SPAG16: variants seen among roughly 807,000 people sequenced by gnomAD.
The protein encoded by SPAG16 is sperm-associated antigen 16 protein.
A neutral mutation model predicts 80.4 loss-of-function variants in SPAG16; 86 were observed. That is an observed-to-expected ratio of 1.07 (90% CI 0.90 to 1.28). The LOEUF is 1.28. SPAG16 is among the 50% of genes most tolerant of loss of function. The pLI, the probability that SPAG16 is intolerant of heterozygous loss-of-function variation, is 0.00. For missense variants in SPAG16, 870 were observed against 765.3 expected, an observed-to-expected ratio of 1.14 and a Z score of -1.61; for synonymous variants, 294 against 265.9, an observed-to-expected ratio of 1.11 and a Z score of -1.03.
chr2:213,597,579 A>T (rs1284163307), intron 10 of SPAG16, among the ~76,000 whole-genome samples: 1 of 152,176 alleles, frequency 6.6e-6, no homozygotes, highest in Non-Finnish European at 1.5e-5. Context: ...TTGCTATATT[A>T]TAATTTCTTT....
chr2:213,931,729 G>A (rs1482291102), intron 12 of SPAG16, among the ~76,000 whole-genome samples: 6 of 151,982 alleles, frequency 3.9e-5, no homozygotes, highest in Admixed American at 2.0e-4. Context: ...CTTCCAATTG[G>A]TGCCCAGTAA....
chr2:213,545,668 G>A (rs2076588672), intron 10 of SPAG16, among the ~76,000 whole-genome samples: 1 of 152,000 alleles, frequency 6.6e-6, no homozygotes, highest in African/African-American at 2.4e-5. Flanking sequence ...CTTATCTTGA[G>A]TTACTTTTTA....
At chr2:213,561,925 A>G (rs1241828128) in intron 10 of SPAG16, among the ~76,000 whole-genome samples, 1 of 152,098 alleles carries the variant, frequency 6.6e-6, no homozygotes, top group East Asian at 1.9e-4. Flanking sequence ...CTGATGTGCA[A>G]TGTTTCTTGA....
chr2:213,601,314 T>C (rs1184743746), intron 10 of SPAG16, among the ~76,000 whole-genome samples: 1 of 152,122 alleles, frequency 6.6e-6, no homozygotes, highest in African/African-American at 2.4e-5. Flanking sequence ...TTGGAAGAGA[T>C]GGAGGGGAGA....
intron 9 of SPAG16, among the ~76,000 whole-genome samples, chr2:213,440,587 T>C (rs896391653): frequency 8.7e-5 from 13 of 150,048 alleles, no homozygotes; most frequent in South Asian, 4.2e-4. Context: ...CAACAACAAA[T>C]AGTCAATGTA....
chr2:214,295,841 T>C (rs1694094528), intron 15 of SPAG16, among the ~76,000 whole-genome samples: 1 of 152,178 alleles, frequency 6.6e-6, no homozygotes, highest in African/African-American at 2.4e-5. Flanking sequence ...CTCTGTTATA[T>C]ATTACATATT....
intron 10 of SPAG16, among the ~76,000 whole-genome samples, chr2:213,742,905 C>T (rs753578722): frequency 6.1e-5 from 9 of 147,896 alleles, no homozygotes; most frequent in Non-Finnish European, 1.5e-5. Context: ...TTTAACATGC[C>T]GTATTGTTGT....
chr2:213,308,718 A>G (rs2063054007), intron 3 of SPAG16, among the ~76,000 whole-genome samples: 1 of 152,106 alleles, frequency 6.6e-6, no homozygotes, highest in Non-Finnish European at 1.5e-5. Flanking sequence ...TTCTGCAAGG[A>G]AGGGCAGTGT....
intron 10 of SPAG16, among the ~76,000 whole-genome samples, chr2:213,497,446 GTT>G (rs369848596): frequency 8.4e-4 from 115 of 136,680 alleles, no homozygotes; most frequent in Middle Eastern, 3.9e-3. Flanking sequence ...GTTCTACCTT[GTT>G]TTTTTTTTTT....
At chr2:213,724,227 A>G (rs559310265) in intron 10 of SPAG16, among the ~76,000 whole-genome samples, 3 of 152,190 alleles carry the variant, frequency 2.0e-5, no homozygotes, top group Non-Finnish European at 2.9e-5. Context: ...ATAAATGGAG[A>G]TGCAATGACT....
In SPAG16 at chr2:213,838,824, G is replaced by A. The variant is rs148610071; in HGVS notation, c.1071-23661G>A. On this transcript the variant is annotated intron_variant, in intron 10 of 15. Coordinates refer to ENST00000331683, the MANE Select transcript of SPAG16 (RefSeq NM_024532.5). The stretch of plus-strand genomic sequence containing the variant: ...TTTGGGGGATTGGCTATTATCTCTC[G>A]CTTTCCTGATTTTTTGAAAGATCAG... Among the ~76,000 whole-genome samples the A allele has an allele frequency of 9.8e-3, 1,495 of 152,172 alleles. 15 individuals are homozygous for A. The highest frequency in any genetic ancestry group is 0.016 in the Non-Finnish European group (1,057 of 68,000).
chr2:213,728,513 T>C (rs2066875610), intron 10 of SPAG16, among the ~76,000 whole-genome samples: 1 of 152,190 alleles, frequency 6.6e-6, no homozygotes, highest in Non-Finnish European at 1.5e-5. Flanking sequence ...GAACACGTTA[T>C]AGTCTCTGCC....
chr2:213,317,441 C>T (rs1358948151), intron 5 of SPAG16, 85 bp downstream of exon 5: 3 of 1,403,124 alleles, frequency 2.1e-6, no homozygotes, highest in Middle Eastern at 2.5e-4. Context: ...TGTAATATAC[C>T]AGAGCCTTAA....
At chr2:214,010,500 G>C (rs1321769899) in intron 12 of SPAG16, among the ~76,000 whole-genome samples, 1 of 146,488 alleles carries the variant, frequency 6.8e-6, no homozygotes, top group Non-Finnish European at 1.5e-5. Context: ...TTCAGTATTT[G>C]GGAAAGAAAC....
intron 14 of SPAG16, among the ~76,000 whole-genome samples, chr2:214,143,640 A>G (rs1160223284): frequency 2.0e-5 from 3 of 152,196 alleles, no homozygotes; most frequent in Admixed American, 1.3e-4. Flanking sequence ...TAAATTACAT[A>G]CAATCAACAT....
intron 14 of SPAG16, among the ~76,000 whole-genome samples, chr2:214,117,815 A>G (rs187662381): frequency 6.6e-6 from 1 of 152,326 alleles, no homozygotes; most frequent in Admixed American, 6.5e-5. Flanking sequence ...TCCCTTTATA[A>G]TAAAAACCCT....
At chr2:213,512,147 G>C (rs2075251935) in intron 10 of SPAG16, among the ~76,000 whole-genome samples, 1 of 151,980 alleles carries the variant, frequency 6.6e-6, no homozygotes, top group Non-Finnish European at 1.5e-5. Context: ...ATTTTCAGTG[G>C]CACTGAAAAG....
intron 15 of SPAG16, among the ~76,000 whole-genome samples, chr2:214,334,274 A>G (rs567550386): frequency 6.6e-6 from 1 of 152,306 alleles, no homozygotes; most frequent in Admixed American, 6.5e-5. Flanking sequence ...GGGGGCACAT[A>G]TTGCCTTGCA....
At position 213,652,048 on chromosome 2, in the gene SPAG16, T is replaced by G. The variant is rs554600237; in HGVS notation, c.1070+161958T>G. On this transcript the variant is annotated intron_variant, in intron 10 of 15. Coordinates refer to ENST00000331683, the MANE Select transcript of SPAG16 (RefSeq NM_024532.5). ...AGTTTAATGATTTTGTCCCCCTTATTTCATTAGTACTCATATTTTATAGTA... is the reference window on the plus strand; with the variant it reads ...AGTTTAATGATTTTGTCCCCCTTATGTCATTAGTACTCATATTTTATAGTA... Among the ~76,000 whole-genome samples, 7 of 152,266 alleles carry G rather than the reference T, an allele frequency of 4.6e-5. No individual in the cohort carries two copies. In the South Asian group the frequency reaches 1.5e-3, roughly 32 times the overall value.
Sources: gnomAD v4.1 joint callset for allele counts (sites outside exome capture counted in the v4.1 genomes callset) on GRCh38, gnomAD v4.1.1 for gene constraint, MANE v1.5 for transcripts, NCBI Gene and HGNC (gene_info 2026-07-23, HGNC 2026-07-21) for gene names.